MAGI2: variants seen among roughly 807,000 people sequenced by gnomAD.
MAGI2 encodes membrane associated guanylate kinase, WW and PDZ domain containing 2.
In MAGI2, 35 loss-of-function variants were observed where a neutral mutation model predicts 133.3. That is an observed-to-expected ratio of 0.26 (90% confidence interval 0.20 to 0.35). MAGI2 has a LOEUF of 0.35. Among genes scored for constraint, MAGI2 ranks in the 10% least tolerant of loss-of-function variants. MAGI2 has a pLI of 1.00. For missense variants in MAGI2, 1,636 were observed against 1,863.4 expected (o/e 0.88, Z 2.25); for synonymous variants, 729 against 710.6 (o/e 1.03, Z -0.41).
chr7:78,083,553 A>G (rs1322729410), intron 20 of MAGI2, among the ~76,000 whole-genome samples: 1 of 152,184 alleles, frequency 6.6e-6, no homozygotes, highest in Non-Finnish European at 1.5e-5. Flanking sequence ...CTTAAGAGGA[A>G]TTCTAAGCAC....
At chr7:78,442,331 G>A (rs1787712939) in intron 6 of MAGI2, among the ~76,000 whole-genome samples, 1 of 152,094 alleles carries the variant, frequency 6.6e-6, no homozygotes, top group South Asian at 2.1e-4. Flanking sequence ...TCATCATCTT[G>A]GTACAAATTG....
At chr7:78,119,089 A>G (rs1484893437) in intron 20 of MAGI2, among the ~76,000 whole-genome samples, 1 of 152,238 alleles carries the variant, frequency 6.6e-6, no homozygotes, top group Non-Finnish European at 1.5e-5. Flanking sequence ...TTCCAACTAT[A>G]TGACATGGTG....
chr7:79,340,998 T>C (rs1840860378), intron 1 of MAGI2, among the ~76,000 whole-genome samples: 1 of 152,092 alleles, frequency 6.6e-6, no homozygotes, highest in Non-Finnish European at 1.5e-5. Flanking sequence ...AAACACCTAT[T>C]ATAAAAATTA....
chr7:78,044,998 C>T (rs1811276018), intron 21 of MAGI2, among the ~76,000 whole-genome samples: 4 of 152,072 alleles, frequency 2.6e-5, no homozygotes, highest in African/African-American at 9.7e-5. Context: ...GAAACCCCGT[C>T]TCTACTAGAA....
chr7:78,494,004 T>A (rs1413428631), intron 5 of MAGI2, among the ~76,000 whole-genome samples: 1 of 152,082 alleles, frequency 6.6e-6, no homozygotes, highest in Non-Finnish European at 1.5e-5. Context: ...CTAGACAGGA[T>A]CTGGCTCTAT....
At chr7:78,815,400 G>T (rs988345920) in intron 2 of MAGI2, among the ~76,000 whole-genome samples, 7 of 152,144 alleles carry the variant, frequency 4.6e-5, no homozygotes, top group Non-Finnish European at 1.0e-4. Context: ...GAGAGTTAAT[G>T]GAAAGAACTG....
At chr7:79,211,326 T>C (rs1167247367) in intron 1 of MAGI2, among the ~76,000 whole-genome samples, 1 of 152,024 alleles carries the variant, frequency 6.6e-6, no homozygotes, top group Non-Finnish European at 1.5e-5. Context: ...ATCCAGGCTG[T>C]AGTACAGTGG....
At chr7:78,064,919 A>T (rs941708563) in intron 21 of MAGI2, among the ~76,000 whole-genome samples, 1 of 152,184 alleles carries the variant, frequency 6.6e-6, no homozygotes, top group South Asian at 2.1e-4. Context: ...TATAGCCAAC[A>T]CTTGAGAATA....
At chr7:78,920,408 G>A (rs1290040599) in intron 2 of MAGI2, among the ~76,000 whole-genome samples, 4 of 152,096 alleles carry the variant, frequency 2.6e-5, no homozygotes, top group African/African-American at 9.7e-5. Flanking sequence ...AACATTTATT[G>A]TTTTTAGTTT....
chr7:78,263,461 G>A (rs1793708947), intron 9 of MAGI2, among the ~76,000 whole-genome samples: 1 of 152,128 alleles, frequency 6.6e-6, no homozygotes, highest in Non-Finnish European at 1.5e-5. Context: ...TGGGCTCCCT[G>A]ATGTCACAGA....
intron 6 of MAGI2, among the ~76,000 whole-genome samples, chr7:78,411,591 A>T (rs1277271343): frequency 4.6e-5 from 7 of 151,992 alleles, no homozygotes; most frequent in Non-Finnish European, 8.8e-5. Flanking sequence ...TTTTTTTGGT[A>T]AGCATTCTCA....
chr7:79,416,696 T>C (rs1846537250), intron 1 of MAGI2, among the ~76,000 whole-genome samples: 1 of 151,284 alleles, frequency 6.6e-6, no homozygotes, highest in Non-Finnish European at 1.5e-5. Context: ...CAGAGGTCCA[T>C]TGTTTCTTTT....
In MAGI2 at chr7:78,446,256, G is replaced by A. The variant is rs570671215; in HGVS notation, c.1045+43505C>T. 1.8e-3 allele frequency among the ~76,000 whole-genome samples: 276 copies of A among 151,594 alleles called. 1 individual carries two copies. Among genetic ancestry groups the A allele is most frequent in the African/African-American group, 3.8e-3 (158 of 41,312 alleles). On this transcript the variant is annotated intron_variant, in intron 6 of 21. Coordinates refer to ENST00000354212, the MANE Select transcript of MAGI2 (RefSeq NM_012301.4). ...GAGTGGAATAAAAACCTTTTTACTCGGCCATACTTCAGTAGATGTTCTCAA... is the reference window on the plus strand; with the variant it reads ...GAGTGGAATAAAAACCTTTTTACTCAGCCATACTTCAGTAGATGTTCTCAA...
At chr7:78,645,194 C>T in intron 2 of MAGI2, among the ~76,000 whole-genome samples, 1 of 151,568 alleles carries the variant, frequency 6.6e-6, no homozygotes, top group Non-Finnish European at 1.5e-5. Context: ...AACTCCAGAG[C>T]CAGATAGCTT....
At chr7:78,498,544 T>C (rs1474845239) in intron 5 of MAGI2, among the ~76,000 whole-genome samples, 1 of 151,900 alleles carries the variant, frequency 6.6e-6, no homozygotes. Context: ...AGAAAATCAG[T>C]GAATACTAAA....
intron 1 of MAGI2, among the ~76,000 whole-genome samples, chr7:79,128,081 G>C (rs976170054): frequency 6.6e-6 from 1 of 151,982 alleles, no homozygotes; most frequent in African/African-American, 2.4e-5. Flanking sequence ...GCTTGTTTTT[G>C]TCAGGTTTGT....
chr7:78,098,648 G>A (rs949629726), intron 20 of MAGI2, among the ~76,000 whole-genome samples: 2 of 152,080 alleles, frequency 1.3e-5, no homozygotes, highest in Non-Finnish European at 2.9e-5. Flanking sequence ...GAGTATATGT[G>A]CACCCTTAAA....
intron 2 of MAGI2, among the ~76,000 whole-genome samples, chr7:78,634,004 G>T (rs1031225329): frequency 3.3e-5 from 5 of 152,074 alleles, no homozygotes; most frequent in Admixed American, 3.3e-4. Context: ...AAATATCATT[G>T]GTGGTATCTT....
At chr7:78,054,434 T>C (rs1013355047) in intron 21 of MAGI2, among the ~76,000 whole-genome samples, 3 of 151,974 alleles carry the variant, frequency 2.0e-5, no homozygotes, top group African/African-American at 7.3e-5. Context: ...TAAAGGGATA[T>C]AATTTTTATT....
Sources: allele counts gnomAD v4.1 joint callset (sites outside exome capture counted in the v4.1 genomes callset), GRCh38; gene constraint gnomAD v4.1.1; transcripts MANE v1.5; gene names NCBI Gene and HGNC (gene_info 2026-07-23, HGNC 2026-07-21).